The following DEFB119 variants were observed in gnomAD, a reference collection of about 807,000 sequenced individuals.
DEFB119 encodes the protein beta-defensin 119.
DEFB119 carries 3 observed loss-of-function variants against 2.5 expected under a neutral mutation model. That is an observed-to-expected ratio of 1.19 (90% CI 0.54 to 3.07). The LOEUF (loss-of-function observed/expected upper bound fraction) is 3.07, where lower values mean the gene tolerates loss of function less well. Ranked by LOEUF, DEFB119 falls within the 30% of genes most tolerant of loss-of-function variation. The pLI is 0.03. For synonymous variants in DEFB119, 29 were observed against 33.7 expected, an observed-to-expected ratio of 0.86 and a Z score of 0.48; for missense variants, 113 against 101.1, an observed-to-expected ratio of 1.12 and a Z score of -0.50.
chr20:31,379,779 C>A (rs1317877669), intron 1 of DEFB119, among the ~76,000 whole-genome samples: 1 of 151,990 alleles, frequency 6.6e-6, no homozygotes, highest in Admixed American at 6.6e-5. Flanking sequence ...CATTCTCCTG[C>A]CTCAGCCTCC....
rs762503511 is a variant in DEFB119 at position 31,377,470 on chromosome 20, A to G, written c.62-31T>C. The stretch of plus-strand genomic sequence containing the variant: ...AAAGGAAAAAAAATACAAATAGTTA[A>G]TTCACCTAGGAGTGACATAAATCTG... On this transcript the variant is annotated intron_variant, in intron 1 of 1. Coordinates refer to ENST00000376321, the MANE Select transcript of DEFB119 (RefSeq NM_153289.4). 21 of 1,601,122 alleles carry G rather than the reference A, an allele frequency of 1.3e-5. No individual in the cohort carries two copies. In the South Asian group the frequency reaches 2.3e-4, roughly 17 times the overall value.
chr20:31,379,524 T>C (rs1986430205), intron 1 of DEFB119, among the ~76,000 whole-genome samples: 1 of 151,814 alleles, frequency 6.6e-6, no homozygotes, highest in Non-Finnish European at 1.5e-5. Context: ...GGAAGAAGTC[T>C]CGCTTTGTCG....
chr20:31,387,218 C>T (rs1158469417), intron 1 of DEFB119, among the ~76,000 whole-genome samples: 1 of 152,174 alleles, frequency 6.6e-6, no homozygotes. Flanking sequence ...GATGGTTACA[C>T]TTTCTATACG....
intron 1 of DEFB119, chr20:31,388,819 G>A: frequency 1.1e-6 from 1 of 897,332 alleles, no homozygotes; most frequent in Non-Finnish European, 1.6e-6. Context: ...CTGGTAGATG[G>A]GGAATCATCT....
In DEFB119 at chr20:31,390,511, G is replaced by T. The variant is rs970174887; in HGVS notation, c.-28C>A. 1.2e-6 allele frequency: 2 copies of T among 1,610,466 alleles called. No homozygotes were observed. Among genetic ancestry groups the T allele is most frequent in the African/African-American group, 2.7e-5 (2 of 74,574 alleles). On this transcript the variant is annotated 5_prime_UTR_variant, in exon 1 of 2. Coordinates refer to ENST00000376321, the MANE Select transcript of DEFB119 (RefSeq NM_153289.4). ...CTGGCAGACCTGAGAGGAGGAGGTG[G>T]CTGAGCTGCAGGGGAAGGAAATAGG...
At chr20:31,386,338 C>T (rs993754372) in intron 1 of DEFB119, among the ~76,000 whole-genome samples, 27 of 152,176 alleles carry the variant, frequency 1.8e-4, no homozygotes, top group Admixed American at 7.9e-4. Context: ...AGTGTCCCAG[C>T]TCCCAGAGAA....
chr20:31,377,444 C>A lies in DEFB119; in HGVS notation c.62-5G>T. ...ATCGAAGGATGTGGCGTTTGCCTGC[C>A]AAAGGAAAAAAAATACAAATAGTTA... On this transcript the variant is annotated splice_polypyrimidine_tract_variant and splice_region_variant and intron_variant, in intron 1 of 1. Transcript: ENST00000376321. The A allele has an allele frequency of 4.4e-6, 7 of 1,593,938 alleles. No homozygotes were observed. In the Admixed American group the frequency reaches 7.2e-5, roughly 16 times the overall value.
chr20:31,378,802 T>C (rs548235120), intron 1 of DEFB119, among the ~76,000 whole-genome samples: 34 of 152,328 alleles, frequency 2.2e-4, no homozygotes, highest in Non-Finnish European at 3.8e-4. Flanking sequence ...AACAACCTGA[T>C]AATAGGTGAA....
intron 1 of DEFB119, chr20:31,378,263 G>T (rs1986374961): frequency 6.3e-7 from 1 of 1,597,806 alleles, no homozygotes; most frequent in Non-Finnish European, 8.6e-7. Context: ...TCCCTGAGAT[G>T]TGACTTGGAG....
At chr20:31,377,581 A>T in intron 1 of DEFB119, 142 bp from the exon 2 acceptor site, 1 of 965,198 alleles carries the variant, frequency 1.0e-6, no homozygotes, top group South Asian at 1.8e-5. Flanking sequence ...CCAGAAAAAA[A>T]AGAGTCAATG....
At chr20:31,379,412 G>A (rs1477398383) in intron 1 of DEFB119, among the ~76,000 whole-genome samples, 1 of 151,980 alleles carries the variant, frequency 6.6e-6, no homozygotes, top group Non-Finnish European at 1.5e-5. Context: ...CTTTTCAAAT[G>A]CTTATTTGCT....
intron 1 of DEFB119, among the ~76,000 whole-genome samples, chr20:31,377,827 G>A (rs1486577833): frequency 6.6e-6 from 1 of 152,152 alleles, no homozygotes; most frequent in Non-Finnish European, 1.5e-5. Flanking sequence ...CAGACATAGA[G>A]TCCCAAGAAA....
chr20:31,385,327 G>C (rs1760019247), intron 1 of DEFB119, among the ~76,000 whole-genome samples: 1 of 133,900 alleles, frequency 7.5e-6, no homozygotes, highest in Non-Finnish European at 1.5e-5. Flanking sequence ...CTCAGTGACA[G>C]TTTAGTACCT....
chr20:31,389,767 C>A (rs1286447251), intron 1 of DEFB119, among the ~76,000 whole-genome samples: 1 of 152,108 alleles, frequency 6.6e-6, no homozygotes. Flanking sequence ...AATTAGAACT[C>A]CCAGCCTTAC....
chr20:31,379,934 G>A (rs1986446900), intron 1 of DEFB119, among the ~76,000 whole-genome samples: 1 of 152,132 alleles, frequency 6.6e-6, no homozygotes, highest in Admixed American at 6.5e-5. Context: ...CAAAGTGGTG[G>A]GATTACAGGC....
chr20:31,387,907 C>T (rs777773911), intron 1 of DEFB119, among the ~76,000 whole-genome samples: 4 of 152,160 alleles, frequency 2.6e-5, no homozygotes, highest in Non-Finnish European at 4.4e-5. Context: ...CCCCTCTTTC[C>T]AGAGTCTAAG....
At position 31,390,275 on chromosome 20, in the gene DEFB119, G is replaced by T. The variant is rs1208711667; in HGVS notation, c.61+148C>A. On this transcript the variant is annotated intron_variant, in intron 1 of 1. Coordinates refer to ENST00000376321, the MANE Select transcript of DEFB119 (RefSeq NM_153289.4). Reference sequence around the variant, plus strand: ...CACTCTGGCAAAAAAGAATCAGAGAGAGATATTAACTTGAGATGATCCTGG... The same window carrying T: ...CACTCTGGCAAAAAAGAATCAGAGATAGATATTAACTTGAGATGATCCTGG... 15 of 781,776 alleles carry T rather than the reference G, an allele frequency of 1.9e-5. No individual in the cohort carries two copies. The South Asian group carries it at 2.1e-4, about 11-fold the overall frequency. The allele number at this position is 781,776 out of a possible 1,614,324, so 48.4% of individuals were successfully genotyped here.
chr20:31,377,538 A>G, intron 1 of DEFB119, 99 bp from the exon 2 acceptor site: 1 of 1,308,108 alleles, frequency 7.6e-7, no homozygotes, highest in Non-Finnish European at 1.0e-6. Context: ...GGGAGCAGGG[A>G]GAAAACCTAA....
intron 1 of DEFB119, among the ~76,000 whole-genome samples, chr20:31,379,280 C>A (rs898714697): frequency 1.3e-5 from 2 of 152,016 alleles, no homozygotes; most frequent in African/African-American, 4.8e-5. Context: ...GTTGAGTGGG[C>A]CTAAACTAAG....
Sources: allele counts gnomAD v4.1 joint callset (sites outside exome capture counted in the v4.1 genomes callset), GRCh38; gene constraint gnomAD v4.1.1; transcripts MANE v1.5; gene names NCBI Gene and HGNC (gene_info 2026-07-23, HGNC 2026-07-21).